ABCA5: variants seen among roughly 807,000 people sequenced by gnomAD.
ABCA5 encodes cholesterol transporter ABCA5.
Under a neutral mutation model 206.0 loss-of-function variants are expected in ABCA5, and 163 were observed. The ratio of observed to expected loss-of-function variants is 0.79; its 90% CI spans 0.70 to 0.90. ABCA5 has a LOEUF of 0.90. Ranked by LOEUF, ABCA5 falls within the 40% of genes least tolerant of loss-of-function variation. The pLI is 0.00. For synonymous variants in ABCA5, 609 were observed against 613.8 expected (o/e 0.99, Z 0.11); for missense variants, 1,859 against 1,912.9 (o/e 0.97, Z 0.53).
chr17:69,277,528 C>G, intron 19 of ABCA5, 113 bp downstream of exon 19: 2 of 824,818 alleles, frequency 2.4e-6, no homozygotes. Flanking sequence ...GGTAATCTTT[C>G]GAAACTATAT....
chr17:69,303,821 T>TAC (rs1219680142), intron 7 of ABCA5, among the ~76,000 whole-genome samples: 12 of 7,882 alleles, frequency 1.5e-3, no homozygotes, highest in African/African-American at 1.9e-3. Context: ...TACATATATA[T>TAC]ATATGTATAT....
intron 14 of ABCA5, 76 bp downstream of exon 14, chr17:69,289,101 T>G (rs2075495864): frequency 7.0e-7 from 1 of 1,424,430 alleles, no homozygotes; most frequent in African/African-American, 1.5e-5. Flanking sequence ...CATAATGTAT[T>G]ATATCTTTCT....
intron 10 of ABCA5, among the ~76,000 whole-genome samples, chr17:69,295,236 A>G (rs969316417): frequency 2.6e-5 from 4 of 152,166 alleles, no homozygotes; most frequent in Non-Finnish European, 4.4e-5. Context: ...ACAGACCTCA[A>G]TCTATGGTAC....
At chr17:69,248,912 A>G (rs1049541885) in intron 37 of ABCA5, 13 of 152,288 alleles carry the variant, frequency 8.5e-5, no homozygotes, top group African/African-American at 2.6e-4. Flanking sequence ...ATATTTTGTA[A>G]AAACAGAGTC....
rs1208858786 is a variant in ABCA5 at position 69,303,800 on chromosome 17, A to ATG, written c.930+868_930+869insCA. On this transcript the variant is annotated intron_variant, in intron 7 of 38. Transcript: ENST00000392676. ...AAAAAAAAAAAATATATATATATATATATATATACATACATATATATATAT... is the reference window on the plus strand; with the variant it reads ...AAAAAAAAAAAATATATATATATATATGTATATATACATACATATATATATAT... Among the ~76,000 whole-genome samples, 70 of 7,422 alleles carry ATG rather than the reference A, an allele frequency of 9.4e-3. 2 individuals carry two copies. The East Asian group carries it at 0.12, about 12-fold the overall frequency. The allele number at this position is 7,422 out of a possible 152,430, so 4.9% of individuals were successfully genotyped here.
chr17:69,287,778 A>T, intron 14 of ABCA5, 27 bp from the exon 15 acceptor site: 2 of 1,601,086 alleles, frequency 1.2e-6, no homozygotes, highest in Non-Finnish European at 8.5e-7. Context: ...GAAGAAGGGC[A>T]GGGAATCCTC....
chr17:69,293,871 T>TGTGTGTGTGTGC (rs1555581962), intron 11 of ABCA5, among the ~76,000 whole-genome samples: 1 of 115,370 alleles, frequency 8.7e-6, no homozygotes, highest in South Asian at 2.9e-4. Context: ...TGTGTGTGTG[T>TGTGTGTGTGTGC]GCGTGTGTGT....
At chr17:69,250,309 T>G (rs1194228114) in intron 36 of ABCA5, among the ~76,000 whole-genome samples, 163 bp downstream of exon 36, 1 of 151,798 alleles carries the variant, frequency 6.6e-6, no homozygotes, top group African/African-American at 2.4e-5. Context: ...CAGATACATA[T>G]ATTTCATATA....
At chr17:69,282,611 A>T (rs1188750924) in intron 18 of ABCA5, among the ~76,000 whole-genome samples, 1 of 152,060 alleles carries the variant, frequency 6.6e-6, no homozygotes, top group East Asian at 1.9e-4. Flanking sequence ...CTACTAAAAA[A>T]TACAACAACT....
At position 69,327,094 on chromosome 17, in the gene ABCA5, A is replaced by T. The variant is rs1449585716; in HGVS notation, c.-58T>A. 6.5e-6 allele frequency: 1 copy of T among 153,066 alleles called. No individual in the cohort carries two copies. Among genetic ancestry groups the T allele is most frequent in the African/African-American group, 2.4e-5 (1 of 41,448 alleles). 9.5% of individuals were successfully genotyped at this position (153,066 alleles called of 1,614,324 possible). A position where few individuals can be genotyped will look rare whatever the true frequency, so the allele number is the denominator to read the frequency against. On this transcript the variant is annotated 5_prime_UTR_variant, in exon 1 of 39. Coordinates refer to ENST00000392676, the MANE Select transcript of ABCA5 (RefSeq NM_172232.4). ...AGAGCTGTCAGGCCTGGACGCGCTCAGTCTGTTGACTCAGTGCGGGTGACC... is the reference window on the plus strand; with the variant it reads ...AGAGCTGTCAGGCCTGGACGCGCTCTGTCTGTTGACTCAGTGCGGGTGACC...
chr17:69,263,697 C>CTTTTTTT (rs58369537), intron 24 of ABCA5, among the ~76,000 whole-genome samples: 11,998 of 103,292 alleles, frequency 0.12, 1,364 homozygotes, highest in East Asian at 0.36. Context: ...ACATGGATTC[C>CTTTTTTT]TTTTTTTTTT....
intron 7 of ABCA5, among the ~76,000 whole-genome samples, chr17:69,303,800 A>G (rs1195246707): frequency 0.011 from 80 of 7,424 alleles, 7 homozygotes; most frequent in South Asian, 0.2. Flanking sequence ...ATATATATAT[A>G]TATATATACA....
intron 1 of ABCA5, among the ~76,000 whole-genome samples, chr17:69,323,284 C>G (rs1170715989): frequency 6.6e-6 from 1 of 152,162 alleles, no homozygotes; most frequent in African/African-American, 2.4e-5. Context: ...ATACCCTTCC[C>G]CCAAAAAGAA....
chr17:69,251,938 C>A, intron 34 of ABCA5, 72 bp from the exon 35 acceptor site: 1 of 1,548,348 alleles, frequency 6.5e-7, no homozygotes, highest in South Asian at 1.2e-5. Flanking sequence ...TTTTAAAAAT[C>A]CAACCGGTTG....
intron 19 of ABCA5, among the ~76,000 whole-genome samples, chr17:69,276,253 A>AT (rs542633756): frequency 2.4e-4 from 37 of 151,784 alleles, no homozygotes; most frequent in Non-Finnish European, 4.0e-4. Context: ...CACCCAGCTA[A>AT]TTTTTTTATA....
chr17:69,311,066 C>T (rs1221540938), intron 3 of ABCA5, among the ~76,000 whole-genome samples: 1 of 152,048 alleles, frequency 6.6e-6, no homozygotes, highest in Non-Finnish European at 1.5e-5. Flanking sequence ...TGGTGGTGTG[C>T]ACCTGTAGTC....
rs1166494708 is a variant in ABCA5, at chr17:69,286,248, C to T, written c.2105G>A (p.Ser702Asn). The stretch of plus-strand genomic sequence containing the variant: ...CAGGCGGTAGCCGATCCCCCATTTA[C>T]TTTTGAGGAACATTGAAGAACCAAC... The part of the protein sequence containing the change: ...KCVGSSMFLK[S>N]KWGIGYRLSM... Residue 702 changes from serine to asparagine, a missense_variant, in exon 16 of 39, where the codon AGT becomes AAT. Transcript: ENST00000392676. 1 of 1,600,080 alleles carries T rather than the reference C, an allele frequency of 6.2e-7. No individual in the cohort carries two copies. The highest frequency in any genetic ancestry group is 8.5e-7 in the Non-Finnish European group (1 of 1,176,614).
intron 17 of ABCA5, among the ~76,000 whole-genome samples, chr17:69,284,552 C>T (rs1157347732): frequency 6.6e-6 from 1 of 151,794 alleles, no homozygotes; most frequent in African/African-American, 2.4e-5. Context: ...CATTTAAATA[C>T]TTATTCATCT....
chr17:69,302,815 A>G lies in ABCA5; in HGVS notation c.1022T>C (p.Ile341Thr). The G allele has an allele frequency of 6.3e-7, 1 of 1,599,696 alleles. No homozygotes were observed. Among genetic ancestry groups the G allele is most frequent in the Non-Finnish European group, 8.5e-7 (1 of 1,176,034 alleles). ...EFFVTVAFGF[I>T]GLMIILIESF... ...TTCTATGAGGATTATCATAAGGCCA[A>G]TAAATCCAAAAGCCACAGTAACAAA... Residue 341 changes from isoleucine (I) to threonine (T), a missense_variant, in exon 8 of 39, where the codon ATT becomes ACT. Ile to Thr is a moderately conservative substitution (Grantham distance 89, BLOSUM62 -1). Coordinates refer to ENST00000392676, the MANE Select transcript of ABCA5 (RefSeq NM_172232.4).
Sources: allele counts gnomAD v4.1 joint callset (sites outside exome capture counted in the v4.1 genomes callset), GRCh38; gene constraint gnomAD v4.1.1; transcripts MANE v1.5; gene names NCBI Gene and HGNC (gene_info 2026-07-23, HGNC 2026-07-21).